Variants in ALDH2 observed in about 807,000 individuals in gnomAD.
ALDH2 encodes the protein aldehyde dehydrogenase, mitochondrial.
ALDH2 carries 44 observed loss-of-function variants against 59.6 expected under a neutral mutation model. The ratio of observed to expected loss-of-function variants is 0.74; its 90% CI spans 0.58 to 0.95. ALDH2 has a LOEUF of 0.95. ALDH2 is among the 40% of genes least tolerant of loss of function. The probability of loss-of-function intolerance (pLI) is 0.00; values close to 1 mark genes in which losing one functional copy is unlikely to be tolerated. For missense variants in ALDH2, 570 were observed against 696.3 expected (o/e 0.82, Z 2.04); for synonymous variants, 291 against 284.0 (o/e 1.02, Z -0.25).
Position 111,812,360 on chromosome 12 carries a change from C to T in ALDH2, c.*2785C>T, listed in dbSNP as rs551154924. 6.6e-6 allele frequency: 1 copy of T among 152,202 alleles called. No individual in the cohort carries two copies. The highest frequency in any genetic ancestry group is 1.5e-5 in the Non-Finnish European group (1 of 68,030). The allele number at this position is 152,202 out of a possible 1,614,324, so 9.4% of individuals were successfully genotyped here. A position where few individuals can be genotyped will look rare whatever the true frequency, so the allele number is the denominator to read the frequency against. ...TATATATTTTATTATACTGGAACAGCTCGTGCCCTCGGTCTCTTGCCTCAG... is the reference window on the plus strand; with the variant it reads ...TATATATTTTATTATACTGGAACAGTTCGTGCCCTCGGTCTCTTGCCTCAG... On this transcript the variant is annotated 3_prime_UTR_variant, in exon 13 of 13. Transcript: ENST00000261733.
At chr12:111,804,360 A>T (rs1338484395) in intron 12 of ALDH2, among the ~76,000 whole-genome samples, 1 of 152,224 alleles carries the variant, frequency 6.6e-6, no homozygotes, top group Non-Finnish European at 1.5e-5. Context: ...TTATACGCCA[A>T]GGCCTGTAGG....
At chr12:111,789,491 C>CAA (rs35650885) in intron 4 of ALDH2, among the ~76,000 whole-genome samples, 47 of 74,430 alleles carry the variant, frequency 6.3e-4, no homozygotes, top group East Asian at 3.7e-3. Context: ...GACGCTGTCT[C>CAA]AAAAAAAAAA....
At chr12:111,767,169 G>A (rs2068165467) in intron 1 of ALDH2, 73 bp downstream of exon 1, 8 of 1,222,318 alleles carry the variant, frequency 6.5e-6, no homozygotes, top group Non-Finnish European at 7.6e-6. Context: ...AAGGCCCCGC[G>A]CCGCCGTGGG....
At chr12:111,785,443 G>A (rs2068302565) in intron 4 of ALDH2, 97 bp downstream of exon 4, 3 of 1,065,572 alleles carry the variant, frequency 2.8e-6, no homozygotes, top group Non-Finnish European at 4.3e-6. Context: ...TTCAAAAGGG[G>A]CAGAGCGCGG....
At chr12:111,791,223 C>A in intron 6 of ALDH2, 83 bp from the exon 7 acceptor site, 1 of 1,047,576 alleles carries the variant, frequency 9.5e-7, no homozygotes, top group Non-Finnish European at 1.4e-6. Flanking sequence ...CCCACCCTCT[C>A]TGAGAAAGGA....
chr12:111,792,538 A>C, intron 8 of ALDH2, 60 bp from the exon 9 acceptor site: 2 of 1,553,206 alleles, frequency 1.3e-6, no homozygotes, highest in East Asian at 2.3e-5. Context: ...GCAGGCGGCC[A>C]CCAGGGCCAG....
At chr12:111,772,674 GTT>G (rs57462838) in intron 1 of ALDH2, among the ~76,000 whole-genome samples, 1,836 of 124,620 alleles carry the variant, frequency 0.015, 40 homozygotes, top group African/African-American at 0.053. Context: ...TTTTTTTTTG[GTT>G]TTTTTTTTTT....
rs34634862 is a variant in ALDH2, at chr12:111,814,537, CA to C, written c.*4982del. ...CCTGGGTGACAGAACGAGACTGTCT[CA>C]AAAAAAAAAAAAAAAAAAAGTGGCC... On this transcript the variant is annotated 3_prime_UTR_variant, in exon 13 of 13. Transcript: ENST00000261733. 0.13 allele frequency: 7,284 copies of C among 56,360 alleles called. 679 individuals are homozygous for C. The highest frequency in any genetic ancestry group is 0.59 in the East Asian group (1,855 of 3,128). The allele number at this position is 56,360 out of a possible 1,614,324, so 3.5% of individuals were successfully genotyped here. A position where few individuals can be genotyped will look rare whatever the true frequency, so the allele number is the denominator to read the frequency against.
At chr12:111,789,344 A>C (rs2068337575) in intron 4 of ALDH2, among the ~76,000 whole-genome samples, 9 of 150,934 alleles carry the variant, frequency 6.0e-5, no homozygotes, top group Admixed American at 6.0e-4. Flanking sequence ...AAAAACAAAG[A>C]AGGTCAGGCA....
chr12:111,781,875 G>T, intron 1 of ALDH2, 43 bp from the exon 2 acceptor site: 2 of 1,451,242 alleles, frequency 1.4e-6, no homozygotes, highest in South Asian at 2.3e-5. Flanking sequence ...GTCAGTATTA[G>T]GTTGACAGCT....
In ALDH2 at chr12:111,767,111, C is replaced by T; in HGVS notation, c.114+15C>T. The T allele has an allele frequency of 1.4e-6, 2 of 1,466,680 alleles. No homozygotes were observed. The highest frequency in any genetic ancestry group is 1.8e-6 in the Non-Finnish European group (2 of 1,116,438). 90.9% of individuals were successfully genotyped at this position (1,466,680 alleles called of 1,614,324 possible). A position where few individuals can be genotyped will look rare whatever the true frequency, so the allele number is the denominator to read the frequency against. On this transcript the variant is annotated intron_variant, in intron 1 of 12. Coordinates refer to ENST00000261733, the MANE Select transcript of ALDH2 (RefSeq NM_000690.4). ...TCTGCAACCAGGTGAGCCCACCGGCCGGGCTCGCGCTTTGTTTTCCGGCCC... is the reference window on the plus strand; with the variant it reads ...TCTGCAACCAGGTGAGCCCACCGGCTGGGCTCGCGCTTTGTTTTCCGGCCC...
At chr12:111,800,460 C>G (rs531780043) in intron 11 of ALDH2, among the ~76,000 whole-genome samples, 1 of 152,070 alleles carries the variant, frequency 6.6e-6, no homozygotes, top group Non-Finnish European at 1.5e-5. Flanking sequence ...AAAAAATATT[C>G]TACCCAGGCT....
chr12:111,787,576 A>G (rs2068319718), intron 4 of ALDH2, among the ~76,000 whole-genome samples: 1 of 152,206 alleles, frequency 6.6e-6, no homozygotes, highest in Admixed American at 6.6e-5. Context: ...GGGAGGAAGC[A>G]GTGCCAGAAG....
intron 4 of ALDH2, among the ~76,000 whole-genome samples, chr12:111,788,701 G>T (rs1427281512): frequency 6.6e-6 from 1 of 152,126 alleles, no homozygotes; most frequent in Non-Finnish European, 1.5e-5. Context: ...ACAAACCCAT[G>T]TTCAAACCCA....
At chr12:111,794,016 T>C (rs2068382912) in intron 9 of ALDH2, among the ~76,000 whole-genome samples, 1 of 137,534 alleles carries the variant, frequency 7.3e-6, no homozygotes, top group Non-Finnish European at 1.6e-5. Context: ...AACCACTGAT[T>C]TTTTTTTTTT....
intron 1 of ALDH2, among the ~76,000 whole-genome samples, chr12:111,775,196 C>G (rs2068226175): frequency 6.6e-6 from 1 of 152,208 alleles, no homozygotes; most frequent in African/African-American, 2.4e-5. Flanking sequence ...TGTCCCGGTT[C>G]TCTGGTCTCC....
chr12:111,808,122 G>C (rs769455522), intron 12 of ALDH2, among the ~76,000 whole-genome samples: 1 of 152,000 alleles, frequency 6.6e-6, no homozygotes, highest in African/African-American at 2.4e-5. Flanking sequence ...TAATCTGCCT[G>C]CCTCGGCCTC....
intron 12 of ALDH2, among the ~76,000 whole-genome samples, chr12:111,807,745 G>T (rs2068508381): frequency 2.0e-5 from 3 of 152,170 alleles, no homozygotes; most frequent in Admixed American, 1.3e-4. Context: ...AAGATGTAGT[G>T]GTTAGTGGGG....
At chr12:111,769,627 C>T (rs755819697) in intron 1 of ALDH2, among the ~76,000 whole-genome samples, 3 of 151,522 alleles carry the variant, frequency 2.0e-5, no homozygotes, top group Admixed American at 6.6e-5. Context: ...TGAAGCTCGC[C>T]GTCTCACTGA....
Sources: gnomAD v4.1 joint callset for allele counts (sites outside exome capture counted in the v4.1 genomes callset) on GRCh38, gnomAD v4.1.1 for gene constraint, MANE v1.5 for transcripts, NCBI Gene and HGNC (gene_info 2026-07-23, HGNC 2026-07-21) for gene names.